Variants in ITGB6 observed in about 807,000 individuals in gnomAD.
ITGB6 encodes integrin subunit beta 6, also known as integrin beta-6.
Under a neutral mutation model 84.5 loss-of-function variants are expected in ITGB6, and 80 were observed. The ratio of observed to expected loss-of-function variants is 0.95; its 90% confidence interval spans 0.79 to 1.14. ITGB6 has a LOEUF of 1.14. Ranked by LOEUF, ITGB6 falls within the 50% of genes most tolerant of loss-of-function variation. ITGB6 has a pLI of 0.00. For synonymous variants in ITGB6, 383 were observed against 354.9 expected, an observed-to-expected ratio of 1.08 and a Z score of -0.89; for missense variants, 1,006 against 968.0, an observed-to-expected ratio of 1.04 and a Z score of -0.52.
At chr2:160,193,555 TA>T (rs1686221280) in intron 4 of ITGB6, among the ~76,000 whole-genome samples, 1 of 152,250 alleles carries the variant, frequency 6.6e-6, no homozygotes, top group Admixed American at 6.5e-5. Flanking sequence ...ATGGTATATT[TA>T]ACCATCAAAA....
intron 4 of ITGB6, 63 bp downstream of exon 4, chr2:160,195,306 C>T: frequency 2.5e-6 from 4 of 1,600,358 alleles, no homozygotes; most frequent in South Asian, 1.1e-5. Flanking sequence ...AAGTGCAGCT[C>T]AGAGCGGGAG....
chr2:160,103,667 G>A (rs1574027858), intron 14 of ITGB6, among the ~76,000 whole-genome samples: 1 of 152,128 alleles, frequency 6.6e-6, no homozygotes, highest in African/African-American at 2.4e-5. Context: ...TTTGAGACTA[G>A]AATCTAGTTG....
At chr2:160,194,592 C>T (rs1247876299) in intron 4 of ITGB6, among the ~76,000 whole-genome samples, 2 of 152,042 alleles carry the variant, frequency 1.3e-5, no homozygotes, top group Non-Finnish European at 2.9e-5. Flanking sequence ...CTTTAACCTG[C>T]TGTTTAACCT....
chr2:160,107,042 T>C (rs1423500599), intron 14 of ITGB6, among the ~76,000 whole-genome samples: 2 of 152,224 alleles, frequency 1.3e-5, no homozygotes, highest in African/African-American at 4.8e-5. Flanking sequence ...AAAACTATAG[T>C]CCTGCCTTCT....
chr2:160,141,477 GA>G (rs1025414356), intron 8 of ITGB6, among the ~76,000 whole-genome samples: 2 of 152,132 alleles, frequency 1.3e-5, no homozygotes, highest in Non-Finnish European at 2.9e-5. Flanking sequence ...TAAACCAGTG[GA>G]AAATGTCCCT....
intron 12 of ITGB6, among the ~76,000 whole-genome samples, chr2:160,112,678 AAATT>A (rs1682585319): frequency 6.6e-6 from 1 of 152,214 alleles, no homozygotes; most frequent in African/African-American, 2.4e-5. Context: ...ACAGTAACAT[AAATT>A]AATATCAGGA....
At chr2:160,121,577 A>C (rs1462338349) in intron 12 of ITGB6, among the ~76,000 whole-genome samples, 3 of 152,114 alleles carry the variant, frequency 2.0e-5, no homozygotes, top group African/African-American at 7.2e-5. Flanking sequence ...TTGAGCTCAG[A>C]GTTCGAGGCC....
intron 10 of ITGB6, 121 bp from the exon 11 acceptor site, chr2:160,126,722 GA>G: frequency 2.2e-6 from 2 of 898,728 alleles, no homozygotes; most frequent in East Asian, 2.5e-5. Flanking sequence ...AAAAAAATGA[GA>G]AAAAAAGTAT....
intron 7 of ITGB6, among the ~76,000 whole-genome samples, chr2:160,165,655 T>A (rs1175776316): frequency 6.6e-6 from 1 of 152,192 alleles, no homozygotes; most frequent in African/African-American, 2.4e-5. Flanking sequence ...CACAAGGACA[T>A]CAGGCTTATA....
rs60845942 is a variant in ITGB6 at position 160,142,747 on chromosome 2, G to C, written c.1018-676C>G. Among the ~76,000 whole-genome samples, 1,284 of 152,274 alleles carry C rather than the reference G, an allele frequency of 8.4e-3. 27 individuals are homozygous for C. The highest frequency in any genetic ancestry group is 0.03 in the African/African-American group (1,240 of 41,544). On this transcript the variant is annotated intron_variant, in intron 7 of 14. Coordinates refer to ENST00000283249, the MANE Select transcript of ITGB6 (RefSeq NM_000888.5). Reference sequence around the variant, plus strand: ...TTCCTGAGGCATCATTCCCACCTGAGAACTAGCAATATGAGTTCATCATCA... The same window carrying C: ...TTCCTGAGGCATCATTCCCACCTGACAACTAGCAATATGAGTTCATCATCA...
At chr2:160,137,880 T>A (rs372058573) in intron 9 of ITGB6, 29 bp from the exon 10 acceptor site, 17 of 1,601,446 alleles carry the variant, frequency 1.1e-5, no homozygotes, top group Non-Finnish European at 1.4e-5. Flanking sequence ...ATTATCTCCC[T>A]CCATCCACCA....
chr2:160,174,885 C>G (rs1336598845), intron 4 of ITGB6, among the ~76,000 whole-genome samples: 2 of 152,192 alleles, frequency 1.3e-5, no homozygotes, highest in African/African-American at 4.8e-5. Context: ...GAGAGGTTCT[C>G]CAACTGAGAT....
chr2:160,108,077 T>C (rs1696979745), intron 13 of ITGB6, among the ~76,000 whole-genome samples: 1 of 152,182 alleles, frequency 6.6e-6, no homozygotes, highest in Non-Finnish European at 1.5e-5. Context: ...TAAATGGATA[T>C]AGACTTGATG....
intron 4 of ITGB6, among the ~76,000 whole-genome samples, chr2:160,182,289 A>G (rs772314531): frequency 1.3e-5 from 2 of 152,226 alleles, no homozygotes; most frequent in Non-Finnish European, 2.9e-5. Flanking sequence ...CAGTCTAGAG[A>G]AGAACATAAA....
chr2:160,161,745 C>T (rs1420114561), intron 7 of ITGB6, among the ~76,000 whole-genome samples: 1 of 152,098 alleles, frequency 6.6e-6, no homozygotes, highest in Non-Finnish European at 1.5e-5. Flanking sequence ...AAAAGAGTAA[C>T]TTAAAGTTTC....
Position 160,181,987 on chromosome 2 carries a change from G to T in ITGB6, c.594-7848C>A, listed in dbSNP as rs371960200. On this transcript the variant is annotated intron_variant, in intron 4 of 14. Coordinates refer to ENST00000283249, the MANE Select transcript of ITGB6 (RefSeq NM_000888.5). ...TCCACACAAAAAACCCCATCCGAAG[G>T]TTACCAACATAAAATACCAAAGGTA... is the stretch of plus-strand genomic sequence containing the variant. 2.0e-4 allele frequency among the ~76,000 whole-genome samples: 31 copies of T among 152,214 alleles called. 1 individual carries two copies. The highest frequency in any genetic ancestry group is 1.5e-3 in the East Asian group (8 of 5,184).
At chr2:160,161,132 G>C (rs559798916) in intron 7 of ITGB6, among the ~76,000 whole-genome samples, 11 of 152,266 alleles carry the variant, frequency 7.2e-5, no homozygotes, top group South Asian at 2.1e-4. Context: ...TGGGCTGCTG[G>C]TGGGAAAGGA....
intron 7 of ITGB6, among the ~76,000 whole-genome samples, chr2:160,150,600 A>G (rs1169342400): frequency 6.6e-6 from 1 of 152,254 alleles, no homozygotes; most frequent in Non-Finnish European, 1.5e-5. Context: ...GAAATTCACA[A>G]ATAACAATAT....
At chr2:160,197,596 C>T (rs1053396328) in intron 2 of ITGB6, among the ~76,000 whole-genome samples, 17 of 152,334 alleles carry the variant, frequency 1.1e-4, no homozygotes, top group Middle Eastern at 3.4e-3. Context: ...GCCACTCTTG[C>T]TGTTTTCATC....
Sources: allele counts gnomAD v4.1 joint callset (sites outside exome capture counted in the v4.1 genomes callset), GRCh38; gene constraint gnomAD v4.1.1; transcripts MANE v1.5; gene names NCBI Gene and HGNC (gene_info 2026-07-23, HGNC 2026-07-21).